The following SIN3A variants were observed in gnomAD, a reference collection of about 807,000 sequenced individuals.
The protein encoded by SIN3A is paired amphipathic helix protein Sin3a.
Under a neutral mutation model 146.1 loss-of-function variants are expected in SIN3A, and 14 were observed. That is an observed-to-expected ratio of 0.10 (90% CI 0.06 to 0.15). The LOEUF (loss-of-function observed/expected upper bound fraction) is 0.15, where lower values mean the gene tolerates loss of function less well. SIN3A is among the 10% of genes least tolerant of loss of function. The probability of loss-of-function intolerance (pLI) is 1.00; values close to 1 mark genes in which losing one functional copy is unlikely to be tolerated. For synonymous variants in SIN3A, 572 were observed against 572.0 expected (o/e 1.00, Z 0.00); for missense variants, 1,028 against 1,576.0 (o/e 0.65, Z 5.89).
At position 75,384,454 on chromosome 15, in the gene SIN3A, G is replaced by A. The variant is rs1406069705; in HGVS notation, c.3022-17C>T. ...ATGCTGCAGCTGGAAGCAAACAAAGGCAAGCTTTTAGTGAACACAGAAAAC... is the reference window on the plus strand; with the variant it reads ...ATGCTGCAGCTGGAAGCAAACAAAGACAAGCTTTTAGTGAACACAGAAAAC... On this transcript the variant is annotated splice_polypyrimidine_tract_variant and intron_variant, in intron 16 of 20. Transcript: ENST00000394947. The A allele has an allele frequency of 1.3e-6, 2 of 1,573,300 alleles. No individual in the cohort carries two copies. The highest frequency in any genetic ancestry group is 2.4e-5 in the East Asian group (1 of 42,074).
intron 2 of SIN3A, among the ~76,000 whole-genome samples, chr15:75,427,320 C>T (rs775820407): frequency 6.6e-6 from 1 of 151,758 alleles, no homozygotes; most frequent in Non-Finnish European, 1.5e-5. Flanking sequence ...TTGCAGTGAG[C>T]CAAGATCACG....
rs377481526 is a variant in SIN3A, at chr15:75,423,244, C to T, written c.190-421G>A. Among the ~76,000 whole-genome samples, 3 of 151,860 alleles carry T rather than the reference C, an allele frequency of 2.0e-5. No homozygotes were observed. The East Asian group carries it at 5.8e-4, about 29-fold the overall frequency. On this transcript the variant is annotated intron_variant, in intron 2 of 20. Transcript: ENST00000394947. Reference sequence around the variant, plus strand: ...AGTGAGCTGTGATCACACCACTGCTCTCTAGCCCAGGTGACAGAATGAGAC... The same window carrying T: ...AGTGAGCTGTGATCACACCACTGCTTTCTAGCCCAGGTGACAGAATGAGAC...
At chr15:75,380,879 G>T in intron 18 of SIN3A, 156 bp from the exon 19 acceptor site, 1 of 589,434 alleles carries the variant, frequency 1.7e-6, no homozygotes, top group Non-Finnish European at 3.1e-6. Context: ...TTGTTAGTAG[G>T]TATTGGAACA....
rs1211558905 is a variant in SIN3A at position 75,392,881 on chromosome 15, A to C, written c.2278-66T>G. ...ACAGCGACAACATGTCTACAAGACC[A>C]CATCAGCCATACATCCCATTATCAA... On this transcript the variant is annotated intron_variant, in intron 14 of 20. Coordinates refer to ENST00000394947, the MANE Select transcript of SIN3A (RefSeq NM_001145358.2). 4.3e-6 allele frequency: 5 copies of C among 1,173,302 alleles called. No individual in the cohort carries two copies. In the Admixed American group the frequency reaches 1.0e-4, roughly 25 times the overall value. The allele number at this position is 1,173,302 out of a possible 1,614,324, so 72.7% of individuals were successfully genotyped here.
At chr15:75,423,846 A>C (rs1253949188) in intron 2 of SIN3A, among the ~76,000 whole-genome samples, 1 of 151,746 alleles carries the variant, frequency 6.6e-6, no homozygotes, top group Admixed American at 6.6e-5. Context: ...TACCAAAAAA[A>C]ATAGCTGGAC....
chr15:75,440,576 TG>T (rs1449281086), intron 1 of SIN3A, among the ~76,000 whole-genome samples: 1 of 152,122 alleles, frequency 6.6e-6, no homozygotes, highest in Non-Finnish European at 1.5e-5. Flanking sequence ...TCCTGGACAC[TG>T]GGAGATATAA....
intron 4 of SIN3A, among the ~76,000 whole-genome samples, chr15:75,413,613 G>C (rs1391498509): frequency 6.7e-6 from 1 of 149,324 alleles, no homozygotes; most frequent in Non-Finnish European, 1.5e-5. Context: ...GCACAATCTC[G>C]GCACACTGCA....
intron 15 of SIN3A, 45 bp downstream of exon 15, chr15:75,392,197 C>T: frequency 1.9e-6 from 3 of 1,572,226 alleles, no homozygotes; most frequent in Non-Finnish European, 2.6e-6. Context: ...CTCTAAGGTC[C>T]TCAACCTCAC....
chr15:75,411,833 G>T (rs1044707225), intron 5 of SIN3A, 90 bp from the exon 6 acceptor site: 2 of 1,370,098 alleles, frequency 1.5e-6, no homozygotes, highest in Non-Finnish European at 2.0e-6. Context: ...AGGTGTCAAC[G>T]TATATCCTTT....
chr15:75,424,469 A>AT (rs1453334970), intron 2 of SIN3A, among the ~76,000 whole-genome samples: 1 of 151,824 alleles, frequency 6.6e-6, no homozygotes, highest in Non-Finnish European at 1.5e-5. Context: ...TAAACCCGTA[A>AT]TTTTTTTTCT....
chr15:75,406,988 A>G, intron 9 of SIN3A, 67 bp downstream of exon 9: 1 of 1,162,652 alleles, frequency 8.6e-7, no homozygotes, highest in Non-Finnish European at 1.3e-6. Context: ...GAAACCTTCC[A>G]GGGGGATAAG....
chr15:75,412,094 A>C (rs1405127271), intron 5 of SIN3A, among the ~76,000 whole-genome samples: 1 of 152,258 alleles, frequency 6.6e-6, no homozygotes, highest in Non-Finnish European at 1.5e-5. Flanking sequence ...ACAACAAGAC[A>C]ACTGTTGCAG....
intron 19 of SIN3A, among the ~76,000 whole-genome samples, 190 bp downstream of exon 19, chr15:75,380,438 TC>T (rs1327825317): frequency 6.6e-6 from 1 of 152,188 alleles, no homozygotes; most frequent in Non-Finnish European, 1.5e-5. Flanking sequence ...AACTCTCACC[TC>T]CCAGATGCTT....
intron 9 of SIN3A, among the ~76,000 whole-genome samples, chr15:75,403,240 T>C (rs981698189): frequency 1.3e-5 from 2 of 151,566 alleles, no homozygotes; most frequent in African/African-American, 4.8e-5. Flanking sequence ...CTGGCCAACA[T>C]AGTGAAACCC....
chr15:75,412,145 G>A (rs1567369499), intron 5 of SIN3A, among the ~76,000 whole-genome samples: 1 of 152,284 alleles, frequency 6.6e-6, no homozygotes, highest in East Asian at 1.9e-4. Flanking sequence ...ACTCTGTCCT[G>A]TAGAACTGAG....
intron 8 of SIN3A, among the ~76,000 whole-genome samples, chr15:75,408,318 G>T (rs552134468): frequency 6.6e-6 from 1 of 152,106 alleles, no homozygotes; most frequent in African/African-American, 2.4e-5. Context: ...TGTTCAACTT[G>T]ATTTCAAAAG....
At chr15:75,438,088 C>T (rs1453204125) in intron 1 of SIN3A, among the ~76,000 whole-genome samples, 5 of 152,134 alleles carry the variant, frequency 3.3e-5, no homozygotes, top group East Asian at 1.9e-4. Context: ...AAACTGGGCG[C>T]GGTGGTTCAC....
chr15:75,437,650 T>C (rs2074130252), intron 1 of SIN3A, among the ~76,000 whole-genome samples: 1 of 152,076 alleles, frequency 6.6e-6, no homozygotes. Context: ...TTCTAGAATA[T>C]AAAGAAAGCC....
chr15:75,393,120 T>C (rs1374393126), intron 14 of SIN3A, among the ~76,000 whole-genome samples: 2 of 152,124 alleles, frequency 1.3e-5, no homozygotes, highest in African/African-American at 2.4e-5. Context: ...ATCCCAGCCC[T>C]TGGGATGCTA....
Sources: allele counts gnomAD v4.1 joint callset (sites outside exome capture counted in the v4.1 genomes callset), GRCh38; gene constraint gnomAD v4.1.1; transcripts MANE v1.5; gene names NCBI Gene and HGNC (gene_info 2026-07-23, HGNC 2026-07-21).